The following TRPM3 variants were observed in gnomAD, a reference collection of about 807,000 sequenced individuals.
TRPM3 encodes transient receptor potential cation channel subfamily M member 3.
In TRPM3, 77 loss-of-function variants were observed where a neutral mutation model predicts 181.2. The observed-to-expected ratio is 0.42, with a 90% CI of 0.35 to 0.51. TRPM3 has a LOEUF of 0.51. TRPM3 is among the 20% of genes least tolerant of loss of function. The pLI, the probability that TRPM3 is intolerant of heterozygous loss-of-function variation, is 0.01. For missense variants in TRPM3, 1,759 were observed against 2,196.7 expected, an observed-to-expected ratio of 0.80 and a Z score of 3.98; for synonymous variants, 745 against 796.4, an observed-to-expected ratio of 0.94 and a Z score of 1.09.
intron 1 of TRPM3, among the ~76,000 whole-genome samples, chr9:71,046,939 A>G (rs1329659173): frequency 6.6e-5 from 10 of 152,216 alleles, no homozygotes; most frequent in Admixed American, 6.5e-4. Context: ...CGTAATAAGC[A>G]CCAAATACCA....
intron 9 of TRPM3, among the ~76,000 whole-genome samples, chr9:70,672,160 A>G (rs4465028): frequency 0.66 from 99,800 of 151,926 alleles, 33,201 homozygotes; most frequent in African/African-American, 0.76. Flanking sequence ...AAAAACCCTG[A>G]CATGAATACA....
chr9:70,910,158 C>T (rs2096524108), intron 1 of TRPM3, among the ~76,000 whole-genome samples: 1 of 152,050 alleles, frequency 6.6e-6, no homozygotes, highest in Non-Finnish European at 1.5e-5. Context: ...AAGTTTTTAT[C>T]AATAATAGAT....
At chr9:70,787,763 C>CTTTTTTTTTTTTTTTTTTTTTCAT (rs2084071076) in intron 6 of TRPM3, among the ~76,000 whole-genome samples, 1 of 68,558 alleles carries the variant, frequency 1.5e-5, no homozygotes. Flanking sequence ...TTTTTGGATT[C>CTTTTTTTTTTTTTTTTTTTTTCAT]TTTTTTTTTT....
chr9:70,551,211 T>A (rs545308685), intron 24 of TRPM3, among the ~76,000 whole-genome samples: 1 of 152,342 alleles, frequency 6.6e-6, no homozygotes, highest in African/African-American at 2.4e-5. Flanking sequence ...CTGCCAGAAC[T>A]TGGCAGTGCC....
At chr9:70,840,079 C>T (rs1198730751) in intron 5 of TRPM3, among the ~76,000 whole-genome samples, 1 of 152,154 alleles carries the variant, frequency 6.6e-6, no homozygotes, top group African/African-American at 2.4e-5. Context: ...GGCAACCTAA[C>T]ATCATAGTAC....
At chr9:71,207,256 TA>T (rs2079179792) in intron 1 of TRPM3, among the ~76,000 whole-genome samples, 1 of 152,122 alleles carries the variant, frequency 6.6e-6, no homozygotes, top group Non-Finnish European at 1.5e-5. Flanking sequence ...CTGAGATAAA[TA>T]ATACATCTCT....
At chr9:71,397,063 C>A (rs1414042966) in intron 1 of TRPM3, among the ~76,000 whole-genome samples, 2 of 151,914 alleles carry the variant, frequency 1.3e-5, no homozygotes, top group Non-Finnish European at 2.9e-5. Context: ...ATTTCCAATT[C>A]TCCAACATAG....
At chr9:71,439,279 T>C (rs1425827200) in intron 1 of TRPM3, among the ~76,000 whole-genome samples, 11 of 152,154 alleles carry the variant, frequency 7.2e-5, no homozygotes, top group Admixed American at 7.2e-4. Context: ...ATAAACAACA[T>C]CTCCTGTCAA....
At chr9:71,348,439 G>C (rs375859844) in intron 1 of TRPM3, among the ~76,000 whole-genome samples, 1 of 107,036 alleles carries the variant, frequency 9.3e-6, no homozygotes, top group South Asian at 3.9e-4. Context: ...AACCCAGAAA[G>C]AAAAGCAGAC....
intron 18 of TRPM3, among the ~76,000 whole-genome samples, chr9:70,614,899 A>G (rs1334580327): frequency 6.6e-6 from 1 of 152,254 alleles, no homozygotes; most frequent in African/African-American, 2.4e-5. Flanking sequence ...TAGGGAAGAC[A>G]GTCGTCTGTT....
chr9:70,900,097 A>G (rs1195544746), intron 1 of TRPM3, among the ~76,000 whole-genome samples: 1 of 152,248 alleles, frequency 6.6e-6, no homozygotes, highest in Non-Finnish European at 1.5e-5. Context: ...AGTTCCAAGT[A>G]TAAGAATCAT....
chr9:70,984,173 T>C (rs2097396270), intron 1 of TRPM3, among the ~76,000 whole-genome samples: 1 of 152,206 alleles, frequency 6.6e-6, no homozygotes, highest in South Asian at 2.1e-4. Context: ...TTAGTTTACT[T>C]ACAATAAACA....
chr9:70,828,091 G>C, intron 5 of TRPM3, 73 bp from the exon 6 acceptor site: 1 of 1,387,846 alleles, frequency 7.2e-7, no homozygotes, highest in Non-Finnish European at 1.0e-6. Flanking sequence ...GAATCAGACA[G>C]AGGAAAGAGA....
intron 1 of TRPM3, among the ~76,000 whole-genome samples, chr9:70,920,704 T>C (rs987237273): frequency 2.0e-5 from 3 of 152,230 alleles, no homozygotes; most frequent in African/African-American, 7.2e-5. Flanking sequence ...AAAGGAAATA[T>C]TAAAACTCAC....
At chr9:71,287,284 G>T (rs2085381224) in intron 1 of TRPM3, among the ~76,000 whole-genome samples, 1 of 151,632 alleles carries the variant, frequency 6.6e-6, no homozygotes. Context: ...ATGCCAAGAA[G>T]AGGCAGAAAT....
chr9:70,547,994 C>A (rs1403230162), intron 25 of TRPM3, among the ~76,000 whole-genome samples: 1 of 152,192 alleles, frequency 6.6e-6, no homozygotes, highest in African/African-American at 2.4e-5. Context: ...CTCAGGGAGG[C>A]AAAGCCTTCC....
chr9:71,106,147 C>T (rs574314149), intron 1 of TRPM3, among the ~76,000 whole-genome samples: 86 of 152,130 alleles, frequency 5.7e-4, no homozygotes, highest in Non-Finnish European at 8.8e-4. Context: ...AGCAGCTATC[C>T]GGAATTCATC....
intron 1 of TRPM3, among the ~76,000 whole-genome samples, chr9:70,950,786 A>G (rs2096989690): frequency 6.6e-6 from 1 of 152,138 alleles, no homozygotes; most frequent in African/African-American, 2.4e-5. Flanking sequence ...CTCAGAGCGC[A>G]TCTACCTTGC....
At chr9:70,856,686 T>C (rs944951914) in intron 3 of TRPM3, among the ~76,000 whole-genome samples, 3 of 152,088 alleles carry the variant, frequency 2.0e-5, no homozygotes, top group African/African-American at 7.2e-5. Flanking sequence ...TCTATATAGT[T>C]AGAGCTTTAA....
Sources: gnomAD v4.1 joint callset for allele counts (sites outside exome capture counted in the v4.1 genomes callset) on GRCh38, gnomAD v4.1.1 for gene constraint, MANE v1.5 for transcripts, NCBI Gene and HGNC (gene_info 2026-07-23, HGNC 2026-07-21) for gene names.